SEM1: variants seen among roughly 807,000 people sequenced by gnomAD.
SEM1 encodes the protein SEM1 26S proteasome subunit.
SEM1 carries 3 observed loss-of-function variants against 12.7 expected under a neutral mutation model. That is an observed-to-expected ratio of 0.24 (90% CI 0.11 to 0.61). SEM1 has a LOEUF of 0.61. Among genes scored for constraint, SEM1 ranks in the 20% least tolerant of loss-of-function variants. The pLI, the probability that SEM1 is intolerant of heterozygous loss-of-function variation, is 0.88. For missense variants in SEM1, 59 were observed against 81.3 expected (o/e 0.73, Z 1.06); for synonymous variants, 30 against 27.8 (o/e 1.08, Z -0.25).
In SEM1 at chr7:96,709,785, C is replaced by A. The variant is rs1424184412; in HGVS notation, c.-22G>T. The A allele has an allele frequency of 1.2e-6, 2 of 1,612,790 alleles. No individual in the cohort carries two copies. The highest frequency in any genetic ancestry group is 2.2e-5 in the South Asian group (2 of 91,040). ...ACATCTCGACTGTCCGCGCCCAACACCTCCCAGATAAGCAGAAAAGTTGGA... is the reference window on the plus strand; with the variant it reads ...ACATCTCGACTGTCCGCGCCCAACAACTCCCAGATAAGCAGAAAAGTTGGA... On this transcript the variant is annotated 5_prime_UTR_variant, in exon 1 of 3. Transcript: ENST00000248566.
chr7:96,624,665 G>A (rs887398789), intron 2 of SEM1, among the ~76,000 whole-genome samples: 1 of 152,156 alleles, frequency 6.6e-6, no homozygotes, highest in Non-Finnish European at 1.5e-5. Flanking sequence ...AGTCTTTCAG[G>A]ATGTCCCCTT....
downstream of SEM1, among the ~76,000 whole-genome samples, chr7:96,619,088 T>C (rs1807805733): frequency 6.6e-6 from 1 of 152,264 alleles, no homozygotes; most frequent in Admixed American, 6.5e-5. Context: ...ATTATTTATC[T>C]CGCATTTCAA....
chr7:96,648,981 C>T (rs977886542), intron 2 of SEM1, among the ~76,000 whole-genome samples: 5 of 152,172 alleles, frequency 3.3e-5, no homozygotes, highest in African/African-American at 9.7e-5. Context: ...GGAGGTGTGA[C>T]GTCCAATAAG....
chr7:96,501,293 G>T (rs1378864236), upstream of SEM1, among the ~76,000 whole-genome samples: 1 of 152,086 alleles, frequency 6.6e-6, no homozygotes, highest in Non-Finnish European at 1.5e-5. Flanking sequence ...GAAATAAATG[G>T]TCAAGGCAGG....
intron 2 of SEM1, among the ~76,000 whole-genome samples, chr7:96,575,237 T>C (rs991748064): frequency 1.3e-5 from 2 of 152,244 alleles, no homozygotes; most frequent in African/African-American, 4.8e-5. Flanking sequence ...GCTGTAGGTC[T>C]GCTGAAGTTT....
chr7:96,531,290 C>T (rs1033922956), intron 2 of SEM1, among the ~76,000 whole-genome samples: 3 of 151,788 alleles, frequency 2.0e-5, no homozygotes, highest in African/African-American at 7.3e-5. Flanking sequence ...CACAACAGGC[C>T]AGGTACAGTG....
At chr7:96,707,601 G>C (rs1475774161) in intron 1 of SEM1, among the ~76,000 whole-genome samples, 1 of 152,172 alleles carries the variant, frequency 6.6e-6, no homozygotes, top group Admixed American at 6.5e-5. Flanking sequence ...CAAGTCTGTT[G>C]TGAGTCTTTT....
At chr7:96,516,633 G>A (rs1291022446) in intron 2 of SEM1, among the ~76,000 whole-genome samples, 1 of 152,082 alleles carries the variant, frequency 6.6e-6, no homozygotes, top group African/African-American at 2.4e-5. Context: ...CATTGATGGT[G>A]GAAATATAAA....
At chr7:96,497,006 TATACACACAC>T (rs1255886386), upstream of SEM1, among the ~76,000 whole-genome samples, 5 of 95,822 alleles carry the variant, frequency 5.2e-5, no homozygotes, top group Admixed American at 3.2e-4. Context: ...CACGAGCACG[TATACACACAC>T]ACACACACAC....
chr7:96,708,731 G>A (rs2116083531), intron 1 of SEM1, among the ~76,000 whole-genome samples: 1 of 152,274 alleles, frequency 6.6e-6, no homozygotes, highest in South Asian at 2.1e-4. Context: ...TTTCTAACTA[G>A]TTATGAGACA....
intron 2 of SEM1, among the ~76,000 whole-genome samples, chr7:96,564,015 CT>C (rs1221301459): frequency 1.3e-5 from 2 of 152,042 alleles, no homozygotes; most frequent in Non-Finnish European, 2.9e-5. Context: ...TGCCAGTCCT[CT>C]TTTTCTAGTG....
intron 2 of SEM1, among the ~76,000 whole-genome samples, chr7:96,587,287 A>T (rs1465159694): frequency 6.6e-6 from 1 of 152,112 alleles, no homozygotes; most frequent in African/African-American, 2.4e-5. Context: ...TCTCCATGGC[A>T]TCTTTCATAT....
rs1041764205 is a variant in SEM1, at chr7:96,587,509, T to G, written c.171-80811A>C. Among the ~76,000 whole-genome samples the G allele has an allele frequency of 9.9e-5, 15 of 152,272 alleles. No homozygotes were observed. The East Asian group carries it at 2.9e-3, about 29-fold the overall frequency. On this transcript the variant is annotated intron_variant and NMD_transcript_variant, in intron 2 of 3. Coordinates refer to the SEM1 transcript ENST00000466986. The stretch of plus-strand genomic sequence containing the variant: ...CCCATGTTGGGAATATTTCCCCAGT[T>G]TTCCACTTCAGATAACCTCAGCAAG...
At chr7:96,677,997 A>G (rs1234100192) in intron 2 of SEM1, among the ~76,000 whole-genome samples, 1 of 152,192 alleles carries the variant, frequency 6.6e-6, no homozygotes, top group East Asian at 1.9e-4. Context: ...CTAACAGACT[A>G]CTTTCAGTGA....
chr7:96,652,231 T>C (rs1269474111), intron 2 of SEM1, among the ~76,000 whole-genome samples: 1 of 152,128 alleles, frequency 6.6e-6, no homozygotes, highest in Non-Finnish European at 1.5e-5. Context: ...TTTATTTTAT[T>C]GTTTTATTTG....
chr7:96,595,575 G>A (rs1806971637), intron 2 of SEM1, among the ~76,000 whole-genome samples: 1 of 152,040 alleles, frequency 6.6e-6, no homozygotes, highest in South Asian at 2.1e-4. Context: ...TGTCCCCAAA[G>A]TAAGAACAAC....
exon 4 of SEM1, chr7:96,483,843 T>C: frequency 1.3e-6 from 2 of 1,536,512 alleles, no homozygotes; most frequent in Non-Finnish European, 1.7e-6. Context: ...CTTCCATCTC[T>C]GCTATTGATA....
intron 2 of SEM1, among the ~76,000 whole-genome samples, chr7:96,656,852 AATATATATAT>A (rs57916069): frequency 6.9e-6 from 1 of 144,708 alleles, no homozygotes; most frequent in South Asian, 2.2e-4. Flanking sequence ...TATAATGTTA[AATATATATAT>A]ATATATATAT....
intron 2 of SEM1, among the ~76,000 whole-genome samples, chr7:96,559,769 G>A (rs904829575): frequency 2.0e-5 from 3 of 152,118 alleles, no homozygotes; most frequent in African/African-American, 7.2e-5. Context: ...CTTAAGTTAG[G>A]CAGGGCCAAA....
Sources: gnomAD v4.1 joint callset for allele counts (sites outside exome capture counted in the v4.1 genomes callset) on GRCh38, gnomAD v4.1.1 for gene constraint, MANE v1.5 for transcripts, NCBI Gene and HGNC (gene_info 2026-07-23, HGNC 2026-07-21) for gene names.